GCH1: variants seen among roughly 807,000 people sequenced by gnomAD.
The protein encoded by GCH1 is GTP cyclohydrolase 1, also known as GTP cyclohydrolase I.
A neutral mutation model predicts 25.9 loss-of-function variants in GCH1; 5 were observed. The ratio of observed to expected loss-of-function variants is 0.19; its 90% CI spans 0.10 to 0.41. The LOEUF (loss-of-function observed/expected upper bound fraction) is 0.41, where lower values mean the gene tolerates loss of function less well. Among genes scored for constraint, GCH1 ranks in the 10% least tolerant of loss-of-function variants. The pLI, the probability that GCH1 is intolerant of heterozygous loss-of-function variation, is 1.00. For missense variants in GCH1, 261 were observed against 336.5 expected (o/e 0.78, Z 1.75); for synonymous variants, 159 against 129.6 (o/e 1.23, Z -1.54).
At position 54,843,004 on chromosome 14, in the gene GCH1, T is replaced by C. The variant is rs760998949; in HGVS notation, c.*1013A>G. The C allele has an allele frequency of 1.8e-5, 14 of 796,992 alleles. No homozygotes were observed. Among genetic ancestry groups the C allele is most frequent in the Non-Finnish European group, 3.0e-5 (13 of 437,834 alleles). The allele number at this position is 796,992 out of a possible 1,614,324, so 49.4% of individuals were successfully genotyped here. On this transcript the variant is annotated 3_prime_UTR_variant, in exon 6 of 6. Transcript: ENST00000491895. ...ACACAGCTCATAATGTCTTCCACCG[T>C]CAGTTCATTCTGTGCTCGTTCAGGT... is the stretch of plus-strand genomic sequence containing the variant.
At chr14:54,892,038 G>A (rs376483952) in intron 1 of GCH1, among the ~76,000 whole-genome samples, 3 of 152,152 alleles carry the variant, frequency 2.0e-5, no homozygotes, top group South Asian at 4.1e-4. Context: ...AAATCATTAC[G>A]CTGAGGTTGC....
At chr14:54,866,087 C>A (rs1166894357) in intron 1 of GCH1, among the ~76,000 whole-genome samples, 1 of 151,316 alleles carries the variant, frequency 6.6e-6, no homozygotes, top group Non-Finnish European at 1.5e-5. Context: ...TGGACCCTGG[C>A]ACTTCCAGCC....
At chr14:54,895,095 C>T (rs892358666) in intron 1 of GCH1, among the ~76,000 whole-genome samples, 1 of 152,156 alleles carries the variant, frequency 6.6e-6, no homozygotes, top group Admixed American at 6.6e-5. Context: ...AAAAGAAAAA[C>T]CTTTTGTGAT....
intron 3 of GCH1, chr14:54,859,439 T>C (rs900134334): frequency 1.5e-5 from 8 of 520,720 alleles, no homozygotes; most frequent in Non-Finnish European, 2.8e-5. Context: ...AGAGGTGGGC[T>C]GAGACTTCCA....
chr14:54,856,875 T>TC (rs1353474794), intron 3 of GCH1, among the ~76,000 whole-genome samples: 1 of 152,200 alleles, frequency 6.6e-6, no homozygotes, highest in Non-Finnish European at 1.5e-5. Context: ...CCAGATCAAC[T>TC]CACTTCTGGC....
intron 3 of GCH1, among the ~76,000 whole-genome samples, chr14:54,855,505 C>CAAAAAAAAAA (rs764999718): frequency 0.052 from 1,876 of 36,376 alleles, 235 homozygotes; most frequent in East Asian, 0.14. Flanking sequence ...GACCCTGTCT[C>CAAAAAAAAAA]AAAAAAAAAA....
intron 1 of GCH1, among the ~76,000 whole-genome samples, chr14:54,894,775 C>G (rs1464615870): frequency 1.3e-5 from 2 of 152,010 alleles, no homozygotes; most frequent in African/African-American, 4.8e-5. Context: ...CTTCTTTATT[C>G]ACAGTGCTCT....
rs34831360 is a variant in GCH1 at position 54,847,667 on chromosome 14, T to TAC, written c.510-538_510-537insGT. 7.3e-5 allele frequency among the ~76,000 whole-genome samples: 5 copies of TAC among 68,516 alleles called. No individual in the cohort carries two copies. The Admixed American group carries it at 8.2e-4, about 11-fold the overall frequency. 44.9% of individuals were successfully genotyped at this position (68,516 alleles called of 152,430 possible). A position where few individuals can be genotyped will look rare whatever the true frequency, so the allele number is the denominator to read the frequency against. ...AGTCAATACTTAATAAACTCCCCTTTATATATATATATATATCTCCTATTA... is the reference window on the plus strand; with the variant it reads ...AGTCAATACTTAATAAACTCCCCTTTACATATATATATATATATCTCCTATTA... On this transcript the variant is annotated intron_variant, in intron 3 of 5. Transcript: ENST00000491895.
intron 1 of GCH1, among the ~76,000 whole-genome samples, chr14:54,894,558 G>T (rs1018195111): frequency 6.6e-6 from 1 of 152,162 alleles, no homozygotes; most frequent in African/African-American, 2.4e-5. Context: ...GTACCAACCT[G>T]AAGGCTTTGC....
At chr14:54,902,137 C>A (rs1292977152) in intron 1 of GCH1, among the ~76,000 whole-genome samples, 184 bp downstream of exon 1, 1 of 152,186 alleles carries the variant, frequency 6.6e-6, no homozygotes, top group Non-Finnish European at 1.5e-5. Flanking sequence ...ACCCAGGAAG[C>A]CCCGACTGTG....
intron 1 of GCH1, among the ~76,000 whole-genome samples, chr14:54,900,947 T>C (rs929996771): frequency 7.2e-5 from 11 of 152,086 alleles, no homozygotes; most frequent in Middle Eastern, 3.4e-3. Flanking sequence ...AAGTTTATTT[T>C]TCAGTCTTTG....
intron 2 of GCH1, among the ~76,000 whole-genome samples, chr14:54,861,373 G>A (rs371784376): frequency 6.6e-6 from 1 of 152,070 alleles, no homozygotes; most frequent in Non-Finnish European, 1.5e-5. Context: ...ATGCAGACAC[G>A]GAATTTGTTC....
intron 1 of GCH1, among the ~76,000 whole-genome samples, chr14:54,893,386 C>A (rs2040447540): frequency 4.6e-5 from 7 of 152,126 alleles, no homozygotes; most frequent in Admixed American, 4.6e-4. Flanking sequence ...CAACCAAATA[C>A]TAGACTCAAA....
intron 1 of GCH1, among the ~76,000 whole-genome samples, chr14:54,878,858 G>C (rs2040201144): frequency 6.6e-6 from 1 of 152,102 alleles, no homozygotes; most frequent in Non-Finnish European, 1.5e-5. Flanking sequence ...CCATCTCCCA[G>C]ACTCAAGCAA....
chr14:54,863,682 T>C (rs2039949815), intron 2 of GCH1, among the ~76,000 whole-genome samples: 1 of 152,020 alleles, frequency 6.6e-6, no homozygotes, highest in Non-Finnish European at 1.5e-5. Context: ...AAAGAGTACA[T>C]ATCGTAGAAT....
At chr14:54,852,562 G>A (rs1029812813) in intron 3 of GCH1, among the ~76,000 whole-genome samples, 23 of 152,196 alleles carry the variant, frequency 1.5e-4, no homozygotes, top group African/African-American at 5.3e-4. Context: ...AGCACCTGGA[G>A]GAAACTCACA....
At chr14:54,864,414 T>C (rs953173534) in intron 2 of GCH1, among the ~76,000 whole-genome samples, 1 of 152,138 alleles carries the variant, frequency 6.6e-6, no homozygotes, top group South Asian at 2.1e-4. Flanking sequence ...GGTAGGGAAA[T>C]GGGACAACTC....
At chr14:54,876,349 C>G (rs10146658) in intron 1 of GCH1, among the ~76,000 whole-genome samples, 6 of 151,446 alleles carry the variant, frequency 4.0e-5, no homozygotes, top group African/African-American at 1.5e-4. Context: ...TTGTGGGGTG[C>G]GGGGAGAGGG....
At chr14:54,848,386 C>G (rs1159608720) in intron 3 of GCH1, among the ~76,000 whole-genome samples, 1 of 152,316 alleles carries the variant, frequency 6.6e-6, no homozygotes, top group Admixed American at 6.5e-5. Context: ...CTGCCCACCA[C>G]AGTCTCCCAA....
Sources: allele counts gnomAD v4.1 joint callset (sites outside exome capture counted in the v4.1 genomes callset), GRCh38; gene constraint gnomAD v4.1.1; transcripts MANE v1.5; gene names NCBI Gene and HGNC (gene_info 2026-07-23, HGNC 2026-07-21).